The following ZBTB10 variants were observed in gnomAD, a reference collection of about 807,000 sequenced individuals.
ZBTB10 encodes the protein zinc finger and BTB domain containing 10.
Under a neutral mutation model 76.4 loss-of-function variants are expected in ZBTB10, and 32 were observed. That is an observed-to-expected ratio of 0.42 (90% CI 0.32 to 0.56). ZBTB10 has a LOEUF of 0.56. ZBTB10 is among the 20% of genes least tolerant of loss of function. ZBTB10 has a pLI of 0.14. For missense variants in ZBTB10, 1,057 were observed against 1,098.5 expected, an observed-to-expected ratio of 0.96 and a Z score of 0.53; for synonymous variants, 523 against 432.9, an observed-to-expected ratio of 1.21 and a Z score of -2.58.
intron 2 of ZBTB10, among the ~76,000 whole-genome samples, chr8:80,504,553 CAT>C (rs199691169): frequency 0.014 from 2,061 of 152,240 alleles, 31 homozygotes; most frequent in South Asian, 0.039. Flanking sequence ...ACTACAGAGT[CAT>C]ATTTGTTGTT....
chr8:80,500,082 T>G lies in ZBTB10; in HGVS notation c.1561T>G (p.Cys521Gly), dbSNP rs541073710. The G allele has an allele frequency of 2.5e-6, 4 of 1,613,948 alleles. No individual in the cohort carries two copies. Among genetic ancestry groups the G allele is most frequent in the Admixed American group, 3.3e-5 (2 of 60,020 alleles). The change falls in exon 2 of 6, where the codon TGT becomes GGT. Residue 521 changes from cysteine to glycine, a missense_variant. Physicochemically the swap from Cys to Gly is radical, Grantham distance 159 (BLOSUM62 -3). Transcript: ENST00000455036. ...ASNVKIENDGCNVDEGQIENY... is the reference protein window; with the variant it reads ...ASNVKIENDGGNVDEGQIENY... ...TAATGTAAAGATTGAAAATGATGGT[T>G]GTAATGTCGACGAGGGCCAAATAGA... is the stretch of plus-strand genomic sequence containing the variant.
At chr8:80,495,411 G>GT (rs1815757563) in intron 1 of ZBTB10, among the ~76,000 whole-genome samples, 2 of 147,284 alleles carry the variant, frequency 1.4e-5, no homozygotes, top group African/African-American at 5.0e-5. Context: ...TTTTTGTTTT[G>GT]TTGTTTTTTT....
rs1816393292 is a variant in ZBTB10 at position 80,518,855 on chromosome 8, A to G, written c.2211A>G (p.Leu737=). 2 of 1,612,400 alleles carry G rather than the reference A, an allele frequency of 1.2e-6. No individual in the cohort carries two copies. Among genetic ancestry groups the G allele is most frequent in the Non-Finnish European group, 1.7e-6 (2 of 1,179,182 alleles). ...CSYVAKYRRT[L]KRHLLIHTGV... is the part of the protein sequence containing the mutation. ...ATGTAGCCAAATACAGACGAACACT[A>G]AAAAGGCACTTGCTCATTCACACAG... Residue 737 remains leucine (L), a synonymous_variant, in exon 5 of 6, where the codon CTA becomes CTG. Coordinates refer to ENST00000455036, the MANE Select transcript of ZBTB10 (RefSeq NM_001105539.3).
intron 1 of ZBTB10, among the ~76,000 whole-genome samples, chr8:80,493,650 C>T (rs3863245): frequency 1.4e-5 from 2 of 145,944 alleles, no homozygotes; most frequent in African/African-American, 5.2e-5. Context: ...AACCCCGTCT[C>T]TAATTTAAAA....
At chr8:80,503,162 C>T (rs1035801146) in intron 2 of ZBTB10, among the ~76,000 whole-genome samples, 3 of 152,192 alleles carry the variant, frequency 2.0e-5, no homozygotes, top group South Asian at 2.1e-4. Context: ...AAATTAAGCT[C>T]TTGTCCTCAG....
intron 1 of ZBTB10, among the ~76,000 whole-genome samples, chr8:80,497,636 A>G (rs1815819844): frequency 6.6e-6 from 1 of 150,424 alleles, no homozygotes; most frequent in Non-Finnish European, 1.5e-5. Context: ...AGAGTTTTTC[A>G]TACTATTCCA....
chr8:80,495,920 T>C (rs574986053), intron 1 of ZBTB10, among the ~76,000 whole-genome samples: 91 of 152,370 alleles, frequency 6.0e-4, no homozygotes, highest in African/African-American at 2.1e-3. Flanking sequence ...CAAGATTTCA[T>C]ATTTAGCTCT....
chr8:80,514,471 A>G (rs981537366), intron 3 of ZBTB10, among the ~76,000 whole-genome samples: 1 of 152,246 alleles, frequency 6.6e-6, no homozygotes, highest in Non-Finnish European at 1.5e-5. Flanking sequence ...TGAATAAAAT[A>G]GAGTAAAAGA....
chr8:80,524,373 C>T lies in ZBTB10; in HGVS notation c.*4845C>T, dbSNP rs565508066. On this transcript the variant is annotated 3_prime_UTR_variant, in exon 6 of 6. Transcript: ENST00000455036. ...CAGGTTTTAGAAAATATTAAAAATT[C>T]CCTGTAATTTACATTTGTGCATAAT... is the stretch of plus-strand genomic sequence containing the variant. 2 of 152,000 alleles carry T rather than the reference C, an allele frequency of 1.3e-5. No individual in the cohort carries two copies. Among genetic ancestry groups the T allele is most frequent in the African/African-American group, 4.8e-5 (2 of 41,492 alleles). The allele number at this position is 152,000 out of a possible 1,614,324, so 9.4% of individuals were successfully genotyped here.
chr8:80,514,851 T>C (rs1419834830), intron 3 of ZBTB10, among the ~76,000 whole-genome samples: 1 of 152,230 alleles, frequency 6.6e-6, no homozygotes, highest in African/African-American at 2.4e-5. Context: ...ACATTTCCTA[T>C]GCAGTATTCT....
intron 2 of ZBTB10, among the ~76,000 whole-genome samples, chr8:80,506,514 T>C (rs1816056691): frequency 6.6e-6 from 1 of 151,706 alleles, no homozygotes; most frequent in Admixed American, 6.6e-5. Context: ...AGACGGGTTT[T>C]TTTCATGTTG....
rs1324353045 is a variant in ZBTB10 at position 80,519,551 on chromosome 8, G to C, written c.*23G>C. Reference sequence around the variant, plus strand: ...TAACTGACCTACTATACTCCTCAAGGATGCTGCATTTGGACCTAATATGAA... The same window carrying C: ...TAACTGACCTACTATACTCCTCAAGCATGCTGCATTTGGACCTAATATGAA... On this transcript the variant is annotated 3_prime_UTR_variant, in exon 6 of 6. Coordinates refer to ENST00000455036, the MANE Select transcript of ZBTB10 (RefSeq NM_001105539.3). The C allele has an allele frequency of 6.3e-7, 1 of 1,582,370 alleles. No homozygotes were observed. Among genetic ancestry groups the C allele is most frequent in the Non-Finnish European group, 8.6e-7 (1 of 1,162,742 alleles).
rs1815465273 is a variant in ZBTB10, at chr8:80,486,658, GGCTGCCGGGCGAGAGGGCGA to G, written c.-151_-132del. On this transcript the variant is annotated 5_prime_UTR_variant, in exon 1 of 6. Coordinates refer to ENST00000455036, the MANE Select transcript of ZBTB10 (RefSeq NM_001105539.3). The stretch of plus-strand genomic sequence containing the variant: ...CAGACCCGGGAGCGAGCGCGAGCCG[GGCTGCCGGGCGAGAGGGCGA>G]GGCCGAGCCCCGCGAGACCGGAACG... 8.1e-6 allele frequency: 8 copies of G among 989,140 alleles called. No individual in the cohort carries two copies. Among genetic ancestry groups the G allele is most frequent in the Non-Finnish European group, 9.6e-6 (8 of 832,564 alleles). The allele number at this position is 989,140 out of a possible 1,614,324, so 61.3% of individuals were successfully genotyped here.
In ZBTB10 at chr8:80,493,681, C is replaced by CAAT; in HGVS notation, c.973-5813_973-5812insAAT. Among the ~76,000 whole-genome samples, 3 of 132,520 alleles carry CAAT rather than the reference C, an allele frequency of 2.3e-5. No homozygotes were observed. In the Middle Eastern group the frequency reaches 0.012, roughly 539 times the overall value. The allele number at this position is 132,520 out of a possible 152,430, so 86.9% of individuals were successfully genotyped here. A position where few individuals can be genotyped will look rare whatever the true frequency, so the allele number is the denominator to read the frequency against. On this transcript the variant is annotated intron_variant, in intron 1 of 5. Coordinates refer to ENST00000455036, the MANE Select transcript of ZBTB10 (RefSeq NM_001105539.3). ...TAAAAACAAAACAAAAAAAAAAAAC[C>CAAT]GAGCCGGGCGTGGTGGCGCATGCCT...
chr8:80,485,697 T>G, upstream of ZBTB10: 1 of 1,280,626 alleles, frequency 7.8e-7, no homozygotes, highest in Non-Finnish European at 1.1e-6. Context: ...TCGTAACCTC[T>G]TCGCGTGAAA....
In ZBTB10 at chr8:80,487,269, C is replaced by T. The variant is rs921478301; in HGVS notation, c.459C>T (p.Phe153=). The change falls in exon 1 of 6, where the codon TTC becomes TTT. Residue 153 remains phenylalanine (F), a synonymous_variant. Coordinates refer to ENST00000455036, the MANE Select transcript of ZBTB10 (RefSeq NM_001105539.3). Reference sequence around the variant, plus strand: ...CCTCGGTGTGGCCCTTGAGGCATTTCAATGGGCGAGGGCCGGCGACTGTGG... The same window carrying T: ...CCTCGGTGTGGCCCTTGAGGCATTTTAATGGGCGAGGGCCGGCGACTGTGG... ...PETSVWPLRH[F]NGRGPATVDL... 5.2e-6 allele frequency: 8 copies of T among 1,552,048 alleles called. No homozygotes were observed. Among genetic ancestry groups the T allele is most frequent in the African/African-American group, 1.4e-5 (1 of 73,198 alleles).
Position 80,519,484 on chromosome 8 carries a change from C to G in ZBTB10, c.2572C>G (p.Arg858Gly), listed in dbSNP as rs765699429. Residue 858 changes from arginine (R) to glycine (G), a missense_variant, in exon 6 of 6, where the codon CGA becomes GGA. Around this residue, in one of 5 missense-constraint regions of ZBTB10, gnomAD observed 55 missense variants for 65.5 expected, o/e 0.84. Transcript: ENST00000455036. ...TGGAGAAGATCAGAATGATCCCTCT[C>G]GATGGGATGAATCAGGAGAAGTTTG... ...DDGEDQNDPS[R>G]WDESGEVCMS... 6 of 1,611,784 alleles carry G rather than the reference C, an allele frequency of 3.7e-6. No individual in the cohort carries two copies. The highest frequency in any genetic ancestry group is 5.1e-6 in the Non-Finnish European group (6 of 1,179,058).
chr8:80,497,916 G>C (rs943273302), intron 1 of ZBTB10, among the ~76,000 whole-genome samples: 2 of 152,060 alleles, frequency 1.3e-5, no homozygotes, highest in South Asian at 4.2e-4. Context: ...ACCCACCTCA[G>C]CCTTTCAGTG....
chr8:80,517,004 T>G (rs1330588322), intron 3 of ZBTB10, among the ~76,000 whole-genome samples: 2 of 152,090 alleles, frequency 1.3e-5, no homozygotes, highest in African/African-American at 4.8e-5. Context: ...AGCATGCTTA[T>G]TATGGACGAG....
Sources: gnomAD v4.1 joint callset for allele counts (sites outside exome capture counted in the v4.1 genomes callset) on GRCh38, gnomAD v4.1.1 for gene constraint, gnomAD v4.1.1 regional missense constraint, MANE v1.5 for transcripts, NCBI Gene and HGNC (gene_info 2026-07-23, HGNC 2026-07-21) for gene names.